The following CHD6 variants were observed in gnomAD, a reference collection of about 807,000 sequenced individuals.
CHD6 encodes chromodomain helicase DNA binding protein 6.
Under a neutral mutation model 276.9 loss-of-function variants are expected in CHD6, and 50 were observed. The observed-to-expected ratio is 0.18, with a 90% confidence interval of 0.14 to 0.23. CHD6 has a LOEUF of 0.23. Among genes scored for constraint, CHD6 ranks in the 10% least tolerant of loss-of-function variants. The pLI, the probability that CHD6 is intolerant of heterozygous loss-of-function variation, is 1.00. For missense variants in CHD6, 2,564 were observed against 3,365.8 expected (o/e 0.76, Z 5.89); for synonymous variants, 1,173 against 1,229.3 (o/e 0.95, Z 0.96).
chr20:41,403,558 G>C lies in CHD6; in HGVS notation c.*1035C>G, dbSNP rs2046587271. On this transcript the variant is annotated 3_prime_UTR_variant, in exon 37 of 37. Coordinates refer to ENST00000373233, the MANE Select transcript of CHD6 (RefSeq NM_032221.5). Reference sequence around the variant, plus strand: ...AACTTTTCATAGCTGTATTATAAAGGGTGGCACACATTTGACAGCCTCAGA... The same window carrying C: ...AACTTTTCATAGCTGTATTATAAAGCGTGGCACACATTTGACAGCCTCAGA... 1.9e-6 allele frequency: 2 copies of C among 1,063,554 alleles called. No homozygotes were observed. The highest frequency in any genetic ancestry group is 2.3e-6 in the Non-Finnish European group (2 of 878,190). The allele number at this position is 1,063,554 out of a possible 1,614,324, so 65.9% of individuals were successfully genotyped here.
At chr20:41,522,374 AC>A (rs1601077176) in intron 3 of CHD6, among the ~76,000 whole-genome samples, 1 of 129,840 alleles carries the variant, frequency 7.7e-6, no homozygotes, top group African/African-American at 3.4e-5. Flanking sequence ...AACCAAAAAA[AC>A]CCATTTTGTA....
At chr20:41,446,952 C>A (rs915058056) in intron 24 of CHD6, among the ~76,000 whole-genome samples, 1 of 152,150 alleles carries the variant, frequency 6.6e-6, no homozygotes, top group African/African-American at 2.4e-5. Flanking sequence ...TGGATATTAT[C>A]AGGTGGAATT....
chr20:41,514,245 A>C (rs1185701480), intron 4 of CHD6, among the ~76,000 whole-genome samples: 3 of 152,208 alleles, frequency 2.0e-5, no homozygotes, highest in Admixed American at 2.0e-4. Flanking sequence ...GAAACAAAGC[A>C]CTTTCAAATA....
At chr20:41,486,874 C>T (rs73611283) in intron 14 of CHD6, among the ~76,000 whole-genome samples, 3,333 of 151,982 alleles carry the variant, frequency 0.022, 43 homozygotes, top group Admixed American at 0.031. Context: ...AGAGTGGTTA[C>T]CACCTCTTCT....
chr20:41,459,681 C>T (rs568196907), intron 17 of CHD6, among the ~76,000 whole-genome samples: 23 of 152,206 alleles, frequency 1.5e-4, no homozygotes, highest in African/African-American at 3.9e-4. Context: ...AACAGCCTTT[C>T]GCCTCTTGCC....
At chr20:41,433,407 G>C (rs1302900120) in intron 27 of CHD6, among the ~76,000 whole-genome samples, 2 of 152,160 alleles carry the variant, frequency 1.3e-5, no homozygotes, top group Admixed American at 6.5e-5. Flanking sequence ...CTGCTTGAAT[G>C]ACAGATTTCT....
chr20:41,596,700 T>TG (rs1384810159), intron 1 of CHD6, among the ~76,000 whole-genome samples: 9 of 151,838 alleles, frequency 5.9e-5, no homozygotes, highest in African/African-American at 1.2e-4. Context: ...AGGGAAAAGA[T>TG]GAAGGGCCCA....
intron 23 of CHD6, among the ~76,000 whole-genome samples, chr20:41,450,458 G>GTTT (rs879440051): frequency 2.1e-5 from 3 of 142,616 alleles, no homozygotes; most frequent in African/African-American, 5.1e-5. Flanking sequence ...TTTTCAATCA[G>GTTT]TTTTTTTTTT....
At chr20:41,515,852 G>C (rs1203933002) in intron 3 of CHD6, among the ~76,000 whole-genome samples, 1 of 152,194 alleles carries the variant, frequency 6.6e-6, no homozygotes, top group East Asian at 1.9e-4. Flanking sequence ...AGAGTGAGTA[G>C]TCTTATGCTT....
intron 29 of CHD6, among the ~76,000 whole-genome samples, chr20:41,424,205 C>T (rs1248798123): frequency 6.6e-6 from 1 of 152,226 alleles, no homozygotes; most frequent in East Asian, 1.9e-4. Flanking sequence ...CAACCCCTGC[C>T]TCCCCATCTC....
chr20:41,468,989 C>T (rs1459311938), intron 17 of CHD6, among the ~76,000 whole-genome samples: 1 of 152,134 alleles, frequency 6.6e-6, no homozygotes, highest in Non-Finnish European at 1.5e-5. Flanking sequence ...GAGATCCTGT[C>T]TTCTGAAAAC....
intron 1 of CHD6, among the ~76,000 whole-genome samples, chr20:41,594,340 C>G (rs2045695896): frequency 6.6e-6 from 1 of 152,198 alleles, no homozygotes; most frequent in African/African-American, 2.4e-5. Flanking sequence ...AAAATTTCTT[C>G]CCAAAGTGAT....
intron 8 of CHD6, among the ~76,000 whole-genome samples, chr20:41,494,293 T>G (rs565756213): frequency 6.6e-6 from 1 of 152,324 alleles, no homozygotes; most frequent in East Asian, 1.9e-4. Flanking sequence ...TTTCTTTTTC[T>G]TAATAACAAC....
At chr20:41,618,119 C>A (rs2045953704) in intron 1 of CHD6, among the ~76,000 whole-genome samples, 1 of 149,620 alleles carries the variant, frequency 6.7e-6, no homozygotes, top group African/African-American at 2.4e-5. Flanking sequence ...CCGCCCCTCT[C>A]CCCAGGCCGC....
At chr20:41,591,694 A>C (rs1163389451) in intron 1 of CHD6, among the ~76,000 whole-genome samples, 1 of 152,100 alleles carries the variant, frequency 6.6e-6, no homozygotes, top group Non-Finnish European at 1.5e-5. Context: ...ACTCCAAATC[A>C]AAAGAAAAAA....
Position 41,551,376 on chromosome 20 carries a change from A to T in CHD6, c.-23-16T>A, listed in dbSNP as rs2045143610. 3 of 1,182,514 alleles carry T rather than the reference A, an allele frequency of 2.5e-6. No individual in the cohort carries two copies. Among genetic ancestry groups the T allele is most frequent in the Middle Eastern group, 2.0e-4 (1 of 5,010 alleles). The allele number at this position is 1,182,514 out of a possible 1,614,324, so 73.3% of individuals were successfully genotyped here. The stretch of plus-strand genomic sequence containing the variant: ...ATATTTATTTCTGTAAAACATTTTT[A>T]AAAAGGCAAAGATTATGACAAAACC... On this transcript the variant is annotated splice_polypyrimidine_tract_variant and intron_variant, in intron 1 of 36. Coordinates refer to ENST00000373233, the MANE Select transcript of CHD6 (RefSeq NM_032221.5).
chr20:41,586,549 C>G (rs961449146), intron 1 of CHD6, among the ~76,000 whole-genome samples: 2 of 152,182 alleles, frequency 1.3e-5, no homozygotes, highest in African/African-American at 4.8e-5. Flanking sequence ...GGTCAGAGAA[C>G]AAAAGGCTTG....
chr20:41,611,915 G>C (rs1034026073), intron 1 of CHD6, among the ~76,000 whole-genome samples: 2 of 152,150 alleles, frequency 1.3e-5, no homozygotes, highest in African/African-American at 4.8e-5. Flanking sequence ...TGGGATTACA[G>C]GTGTGAGCCA....
chr20:41,577,152 C>CT (rs1384286564), intron 1 of CHD6, among the ~76,000 whole-genome samples: 1 of 152,172 alleles, frequency 6.6e-6, no homozygotes, highest in Non-Finnish European at 1.5e-5. Flanking sequence ...CAGAAATAAA[C>CT]TTAGAACGAG....
Sources: gnomAD v4.1 joint callset for allele counts (sites outside exome capture counted in the v4.1 genomes callset) on GRCh38, gnomAD v4.1.1 for gene constraint, MANE v1.5 for transcripts, NCBI Gene and HGNC (gene_info 2026-07-23, HGNC 2026-07-21) for gene names.